RYR3: variants seen among roughly 807,000 people sequenced by gnomAD.
RYR3 encodes brain ryanodine receptor-calcium release channel.
A neutral mutation model predicts 584.3 loss-of-function variants in RYR3; 207 were observed. The observed-to-expected ratio is 0.35, with a 90% CI of 0.32 to 0.40. The LOEUF is 0.40. RYR3 is among the 10% of genes least tolerant of loss of function. The probability of loss-of-function intolerance (pLI) is 1.00; values close to 1 mark genes in which losing one functional copy is unlikely to be tolerated. For missense variants in RYR3, 5,616 were observed against 6,089.2 expected, an observed-to-expected ratio of 0.92 and a Z score of 2.59; for synonymous variants, 2,416 against 2,248.5, an observed-to-expected ratio of 1.07 and a Z score of -2.11.
At chr15:33,836,160 T>G (rs77422724) in intron 87 of RYR3, among the ~76,000 whole-genome samples, 1 of 1,058 alleles carries the variant, frequency 9.5e-4, no homozygotes, top group Non-Finnish European at 0.01. Flanking sequence ...TTTCTTTTGC[T>G]TTTTTTTTAT....
At chr15:33,855,054 G>A in intron 98 of RYR3, 142 bp downstream of exon 98, 1 of 868,644 alleles carries the variant, frequency 1.2e-6, no homozygotes, top group Non-Finnish European at 1.6e-6. Flanking sequence ...TTCAACTAAT[G>A]GTGATTGTTT....
chr15:33,394,152 T>C (rs905313035), intron 1 of RYR3, among the ~76,000 whole-genome samples: 1 of 152,200 alleles, frequency 6.6e-6, no homozygotes, highest in Non-Finnish European at 1.5e-5. Flanking sequence ...TCATTTTCCA[T>C]GTTGGGAAAT....
intron 2 of RYR3, among the ~76,000 whole-genome samples, chr15:33,481,931 G>T (rs117251757): frequency 0.022 from 3,268 of 150,780 alleles, 56 homozygotes; most frequent in Non-Finnish European, 0.027. Context: ...TTTAAAATGT[G>T]TAACACATTT....
Position 33,507,479 on chromosome 15 carries a change from C to T in RYR3, c.279+3741C>T, listed in dbSNP as rs950419649. Among the ~76,000 whole-genome samples, 9 of 152,142 alleles carry T rather than the reference C, an allele frequency of 5.9e-5. No homozygotes were observed. In the East Asian group the frequency reaches 9.6e-4, roughly 16 times the overall value. On this transcript the variant is annotated intron_variant, in intron 3 of 103. Transcript: ENST00000634891. ...TGTAATTTTATTCTGGGGAAAATTA[C>T]CGAGGGATAGATGCTTGGCACTGTG... is the stretch of plus-strand genomic sequence containing the variant.
intron 1 of RYR3, among the ~76,000 whole-genome samples, chr15:33,462,877 CCTT>C (rs1434598068): frequency 6.6e-6 from 1 of 152,180 alleles, no homozygotes; most frequent in African/African-American, 2.4e-5. Context: ...GGTCATATGT[CCTT>C]CTTCAAATAA....
At chr15:33,780,408 A>G (rs774968510) in intron 65 of RYR3, 67 bp downstream of exon 65, 14 of 1,540,158 alleles carry the variant, frequency 9.1e-6, no homozygotes, top group Non-Finnish European at 1.1e-5. Context: ...CCACACAGGC[A>G]GGGAGCAGCA....
At position 33,669,454 on chromosome 15, in the gene RYR3, G is replaced by A; in HGVS notation, c.5720G>A (p.Cys1907Tyr). The A allele has an allele frequency of 6.2e-7, 1 of 1,613,370 alleles. No homozygotes were observed. The highest frequency in any genetic ancestry group is 2.2e-5 in the East Asian group (1 of 44,878). Residue 1907 changes from cysteine to tyrosine, a missense_variant and splice_region_variant, in exon 37 of 104, where the codon TGT becomes TAT. Cys to Tyr is a radical substitution (Grantham distance 194). Coordinates refer to ENST00000634891, the MANE Select transcript of RYR3 (RefSeq NM_001036.6). ...YDFHEDLLLH[C>Y]GVPLEEEEEE... ...TTCCATGAGGACCTTCTCCTTCACT[G>A]TGGTAAGCTGCCCAGAGAAAGGCTT...
intron 12 of RYR3, among the ~76,000 whole-genome samples, chr15:33,576,067 T>C (rs559212908): frequency 2.0e-5 from 3 of 152,116 alleles, no homozygotes; most frequent in Non-Finnish European, 4.4e-5. Context: ...CAGGAAGAAA[T>C]TGAATTCCTG....
At chr15:33,606,824 A>G (rs1007904008) in intron 18 of RYR3, among the ~76,000 whole-genome samples, 3 of 152,156 alleles carry the variant, frequency 2.0e-5, no homozygotes, top group Admixed American at 2.0e-4. Flanking sequence ...CCTTCCCTTT[A>G]ACCACTTTTT....
chr15:33,576,173 C>A (rs969252803), intron 12 of RYR3, among the ~76,000 whole-genome samples: 3 of 152,112 alleles, frequency 2.0e-5, no homozygotes, highest in Admixed American at 2.0e-4. Context: ...CTGAATTCTA[C>A]CAGAATTCTA....
chr15:33,597,967 C>T (rs890837730), intron 16 of RYR3, among the ~76,000 whole-genome samples: 18 of 151,234 alleles, frequency 1.2e-4, no homozygotes, highest in African/African-American at 3.9e-4. Context: ...CAACCCTAGG[C>T]AATTGTCAGC....
intron 93 of RYR3, among the ~76,000 whole-genome samples, chr15:33,845,617 C>G (rs1481090662): frequency 1.3e-5 from 2 of 152,164 alleles, no homozygotes; most frequent in Admixed American, 6.5e-5. Flanking sequence ...TACGCACTTT[C>G]AAGTTTGAGA....
chr15:33,340,947 A>G (rs1971740095), intron 1 of RYR3, among the ~76,000 whole-genome samples: 1 of 152,164 alleles, frequency 6.6e-6, no homozygotes, highest in Non-Finnish European at 1.5e-5. Flanking sequence ...TGGTTCTCAA[A>G]TGTTAGAGTG....
intron 1 of RYR3, among the ~76,000 whole-genome samples, chr15:33,434,753 C>T (rs1017986075): frequency 1.3e-5 from 2 of 152,152 alleles, no homozygotes; most frequent in Admixed American, 6.5e-5. Flanking sequence ...TCATTCTCTT[C>T]TCTTTAGTGT....
At chr15:33,462,432 C>A (rs2048116317) in intron 1 of RYR3, among the ~76,000 whole-genome samples, 1 of 152,146 alleles carries the variant, frequency 6.6e-6, no homozygotes, top group Non-Finnish European at 1.5e-5. Context: ...GAAAGAATCT[C>A]AATAAATTAG....
intron 22 of RYR3, 49 bp downstream of exon 22, chr15:33,630,092 T>G (rs2061191666): frequency 9.7e-7 from 1 of 1,026,528 alleles, no homozygotes; most frequent in African/African-American, 1.6e-5. Flanking sequence ...ATAGATGATT[T>G]AATGCATTAT....
chr15:33,792,279 A>G (rs561288620), intron 67 of RYR3, among the ~76,000 whole-genome samples: 1 of 152,294 alleles, frequency 6.6e-6, no homozygotes, highest in East Asian at 1.9e-4. Flanking sequence ...AGCACCATTT[A>G]GAGAGGAGAG....
At chr15:33,676,735 C>T (rs768222490) in intron 38 of RYR3, among the ~76,000 whole-genome samples, 3 of 152,146 alleles carry the variant, frequency 2.0e-5, no homozygotes, top group Non-Finnish European at 4.4e-5. Context: ...GATGAGGAAA[C>T]GGGGACTCCG....
At position 33,865,231 on chromosome 15, in the gene RYR3, G is replaced by GAATC; in HGVS notation, c.*8_*11dup. The GAATC allele has an allele frequency of 6.2e-7, 1 of 1,603,866 alleles. No homozygotes were observed. The highest frequency in any genetic ancestry group is 8.5e-7 in the Non-Finnish European group (1 of 1,173,580). On this transcript the variant is annotated 3_prime_UTR_variant, in exon 104 of 104. Coordinates refer to ENST00000634891, the MANE Select transcript of RYR3 (RefSeq NM_001036.6). ...TATGAAGATCAGCTTGGATAAATCT[G>GAATC]AATCAAAGAAGCGCGACAATTCTGG... is the stretch of plus-strand genomic sequence containing the variant.
Sources: allele counts gnomAD v4.1 joint callset (sites outside exome capture counted in the v4.1 genomes callset), GRCh38; gene constraint gnomAD v4.1.1; transcripts MANE v1.5; gene names NCBI Gene and HGNC (gene_info 2026-07-23, HGNC 2026-07-21).